Variants in AGBL1 observed in about 807,000 individuals in gnomAD.
AGBL1 encodes cytosolic carboxypeptidase 4.
Under a neutral mutation model 118.9 loss-of-function variants are expected in AGBL1, and 130 were observed. That is an observed-to-expected ratio of 1.09 (90% CI 0.95 to 1.26). AGBL1 has a LOEUF of 1.26. Among genes scored for constraint, AGBL1 ranks in the 50% most tolerant of loss-of-function variants. AGBL1 has a pLI of 0.00. For missense variants in AGBL1, 1,584 were observed against 1,298.1 expected (o/e 1.22, Z -3.38); for synonymous variants, 555 against 478.9 (o/e 1.16, Z -2.08).
At chr15:86,770,943 TGG>T (rs921290338) in intron 22 of AGBL1, among the ~76,000 whole-genome samples, 1 of 152,054 alleles carries the variant, frequency 6.6e-6, no homozygotes, top group African/African-American at 2.4e-5. Context: ...TAGTTAGATG[TGG>T]CCATGTGACT....
At chr15:86,928,855 AT>A (rs1230490193) in intron 23 of AGBL1, among the ~76,000 whole-genome samples, 3 of 137,322 alleles carry the variant, frequency 2.2e-5, no homozygotes, top group Non-Finnish European at 1.6e-5. Context: ...TTAATTTATA[AT>A]TTTTTTCACA....
chr15:86,745,522 A>T (rs1439609499), intron 22 of AGBL1, among the ~76,000 whole-genome samples: 1 of 151,952 alleles, frequency 6.6e-6, no homozygotes, highest in East Asian at 1.9e-4. Flanking sequence ...CTTTTTCTGG[A>T]CCTTATGTAG....
At chr15:86,329,663 G>A (rs2080240476) in intron 17 of AGBL1, among the ~76,000 whole-genome samples, 1 of 152,000 alleles carries the variant, frequency 6.6e-6, no homozygotes, top group South Asian at 2.1e-4. Flanking sequence ...TGCATTCCAA[G>A]CCAAGACAGA....
At chr15:86,521,422 A>G (rs942174511) in intron 18 of AGBL1, among the ~76,000 whole-genome samples, 2 of 152,196 alleles carry the variant, frequency 1.3e-5, no homozygotes, top group African/African-American at 2.4e-5. Context: ...CCAAGAGACT[A>G]TCACTGTCCC....
At chr15:86,318,582 C>G (rs771700648) in intron 17 of AGBL1, among the ~76,000 whole-genome samples, 4 of 150,144 alleles carry the variant, frequency 2.7e-5, no homozygotes, top group Non-Finnish European at 4.4e-5. Context: ...TGTAGTCAAA[C>G]AATGTTAGAG....
chr15:86,946,819 G>A (rs1244953083), intron 23 of AGBL1, among the ~76,000 whole-genome samples: 1 of 145,514 alleles, frequency 6.9e-6, no homozygotes, highest in Admixed American at 7.0e-5. Flanking sequence ...ACTCCAGCCT[G>A]GGCAACGAGA....
chr15:86,593,851 A>G (rs967321630), intron 21 of AGBL1, among the ~76,000 whole-genome samples: 1 of 152,172 alleles, frequency 6.6e-6, no homozygotes, highest in Admixed American at 6.5e-5. Context: ...ATGGAATCAT[A>G]CAATATGTGT....
intron 23 of AGBL1, among the ~76,000 whole-genome samples, chr15:86,933,584 C>A (rs1473363557): frequency 6.6e-6 from 1 of 152,178 alleles, no homozygotes; most frequent in Non-Finnish European, 1.5e-5. Context: ...CCTTTCTTGA[C>A]TGCAATACCA....
chr15:86,986,556 AG>A, intron 23 of AGBL1, among the ~76,000 whole-genome samples: 1 of 152,002 alleles, frequency 6.6e-6, no homozygotes. Context: ...AAAAAGGAGG[AG>A]GAGGAGGAGG....
In AGBL1 at chr15:86,247,767, T is replaced by C. The variant is rs1435612819; in HGVS notation, c.623T>C (p.Val208Ala). 3 of 1,613,858 alleles carry C rather than the reference T, an allele frequency of 1.9e-6. No homozygotes were observed. The highest frequency in any genetic ancestry group is 3.3e-4 in the Middle Eastern group (2 of 6,084). ...WHSHDTANAYVQIRRGLLLCL... is the reference protein window; with the variant it reads ...WHSHDTANAYAQIRRGLLLCL... ...AGCCATGACACAGCCAACGCCTACG[T>C]GCAGATCCGACGGGGCTTGCTGCTC... The change falls in exon 7 of 23, where the codon GTG becomes GCG. Residue 208 changes from valine to alanine, a missense_variant. By Grantham distance (64) the Val-to-Ala change is moderately conservative. Coordinates refer to ENST00000614907, the MANE Select transcript of AGBL1 (RefSeq NM_001386094.1).
At chr15:86,885,577 T>C (rs1478936836) in intron 22 of AGBL1, among the ~76,000 whole-genome samples, 1 of 152,236 alleles carries the variant, frequency 6.6e-6, no homozygotes, top group Admixed American at 6.5e-5. Flanking sequence ...CTCCCAATGA[T>C]GTTTATAGTA....
intron 19 of AGBL1, among the ~76,000 whole-genome samples, chr15:86,539,709 C>T (rs1472359599): frequency 1.3e-5 from 2 of 152,212 alleles, no homozygotes. Context: ...GCTTGGATAG[C>T]TCTCACTCAG....
chr15:86,266,552 C>A, intron 12 of AGBL1, 95 bp downstream of exon 12: 3 of 846,666 alleles, frequency 3.5e-6, no homozygotes, highest in South Asian at 2.0e-5. Flanking sequence ...TCCACTCCTC[C>A]TCCTAAAACA....
intron 22 of AGBL1, among the ~76,000 whole-genome samples, chr15:86,795,821 G>C (rs11073673): frequency 0.38 from 57,805 of 150,754 alleles, 12,901 homozygotes; most frequent in Non-Finnish European, 0.53. Context: ...CCTGACCTCA[G>C]GTGATCCACC....
At chr15:86,938,104 C>G (rs569854997) in intron 23 of AGBL1, among the ~76,000 whole-genome samples, 1 of 152,188 alleles carries the variant, frequency 6.6e-6, no homozygotes, top group Non-Finnish European at 1.5e-5. Flanking sequence ...CATTCCAAGG[C>G]ATGATTGTGC....
At chr15:86,197,867 C>G (rs1261409493) in intron 5 of AGBL1, among the ~76,000 whole-genome samples, 1 of 151,498 alleles carries the variant, frequency 6.6e-6, no homozygotes, top group Non-Finnish European at 1.5e-5. Context: ...AACAACAGAG[C>G]TATTTCACTG....
intron 22 of AGBL1, among the ~76,000 whole-genome samples, chr15:86,901,429 C>T (rs1033518123): frequency 2.0e-5 from 3 of 152,000 alleles, no homozygotes; most frequent in Admixed American, 2.0e-4. Context: ...TGCAGGTGCT[C>T]TATTTGAAAA....
chr15:86,286,031 A>G (rs1056239220), intron 16 of AGBL1, among the ~76,000 whole-genome samples: 2 of 152,028 alleles, frequency 1.3e-5, no homozygotes, highest in Non-Finnish European at 2.9e-5. Context: ...CCAAAGGGCT[A>G]TGGCTTAATT....
At chr15:86,739,901 C>T (rs188878376) in intron 22 of AGBL1, among the ~76,000 whole-genome samples, 8 of 152,204 alleles carry the variant, frequency 5.3e-5, no homozygotes, top group Non-Finnish European at 8.8e-5. Context: ...TCACTGAGCC[C>T]TGCTATGAAG....
Sources: gnomAD v4.1 joint callset for allele counts (sites outside exome capture counted in the v4.1 genomes callset) on GRCh38, gnomAD v4.1.1 for gene constraint, MANE v1.5 for transcripts, NCBI Gene and HGNC (gene_info 2026-07-23, HGNC 2026-07-21) for gene names.